The following KLRD1 variants were observed in gnomAD, a reference collection of about 807,000 sequenced individuals.
The protein encoded by KLRD1 is natural killer cells antigen CD94.
In KLRD1, 21 loss-of-function variants were observed where a neutral mutation model predicts 22.6. That is an observed-to-expected ratio of 0.93 (90% CI 0.66 to 1.34). KLRD1 has a LOEUF of 1.34. Ranked by LOEUF, KLRD1 falls within the 40% of genes most tolerant of loss-of-function variation. The pLI, the probability that KLRD1 is intolerant of heterozygous loss-of-function variation, is 0.00. For synonymous variants in KLRD1, 59 were observed against 71.1 expected, an observed-to-expected ratio of 0.83 and a Z score of 0.85; for missense variants, 183 against 208.6, an observed-to-expected ratio of 0.88 and a Z score of 0.76.
At chr12:10,243,441 C>A (rs1265261662) in intron 1 of KLRD1, among the ~76,000 whole-genome samples, 1 of 151,388 alleles carries the variant, frequency 6.6e-6, no homozygotes, top group Non-Finnish European at 1.5e-5. Flanking sequence ...TGGCAAAACC[C>A]CATCTCTACT....
intron 4 of KLRD1, 124 bp downstream of exon 4, chr12:10,311,739 G>C (rs1369098367): frequency 2.0e-5 from 16 of 807,874 alleles, no homozygotes; most frequent in Non-Finnish European, 2.9e-5. Context: ...TTGGAATTGA[G>C]TTATCTGTTC....
chr12:10,272,323 T>A (rs1418037448), intron 1 of KLRD1, among the ~76,000 whole-genome samples: 1 of 152,182 alleles, frequency 6.6e-6, no homozygotes, highest in African/African-American at 2.4e-5. Context: ...CTAAATAATA[T>A]TAAACCTAGT....
chr12:10,292,614 A>G (rs984937592), intron 1 of KLRD1, among the ~76,000 whole-genome samples: 7 of 152,218 alleles, frequency 4.6e-5, no homozygotes, highest in Non-Finnish European at 7.3e-5. Context: ...GTAAACAGAC[A>G]TGCTGCCATC....
At chr12:10,287,206 G>T (rs572938206) in intron 1 of KLRD1, among the ~76,000 whole-genome samples, 3 of 151,980 alleles carry the variant, frequency 2.0e-5, no homozygotes, top group African/African-American at 7.3e-5. Context: ...TAAAAACCGT[G>T]GTGAAACTGT....
intron 1 of KLRD1, among the ~76,000 whole-genome samples, chr12:10,262,242 A>C (rs533985847): frequency 3.9e-5 from 6 of 152,164 alleles, no homozygotes; most frequent in African/African-American, 1.4e-4. Context: ...TCTTGATGGG[A>C]CTGGAGCTCA....
chr12:10,276,880 G>A (rs1052683367), intron 1 of KLRD1, among the ~76,000 whole-genome samples: 24 of 152,090 alleles, frequency 1.6e-4, no homozygotes, highest in Non-Finnish European at 3.1e-4. Flanking sequence ...TGCATACTTA[G>A]TGACAAGAGA....
In KLRD1 at chr12:10,252,416, A is replaced by G. The variant is rs1044698544; in HGVS notation, c.-101+26183A>G. On this transcript the variant is annotated intron_variant, in intron 1 of 5. Transcript: ENST00000544747. The stretch of plus-strand genomic sequence containing the variant: ...CTGCTTGGGAAGCTGAGGTGGAAGA[A>G]TCACTCAAGCCTTGGAGGTTGAGGC... 9.6e-4 allele frequency among the ~76,000 whole-genome samples: 146 copies of G among 152,232 alleles called. 2 individuals carry two copies. The highest frequency in any genetic ancestry group is 3.3e-3 in the African/African-American group (135 of 41,512).
intron 1 of KLRD1, among the ~76,000 whole-genome samples, chr12:10,263,922 C>T (rs531340395): frequency 2.6e-5 from 4 of 151,948 alleles, no homozygotes; most frequent in African/African-American, 9.7e-5. Context: ...TGGGTTATTC[C>T]GTATTTTAAA....
chr12:10,280,717 CTG>C (rs71434126), intron 1 of KLRD1, among the ~76,000 whole-genome samples: 10,238 of 152,086 alleles, frequency 0.067, 397 homozygotes, highest in East Asian at 0.17. Flanking sequence ...GTGAGGAAGA[CTG>C]TGTGATACAG....
intron 1 of KLRD1, among the ~76,000 whole-genome samples, chr12:10,272,037 G>A (rs1240414974): frequency 6.6e-6 from 1 of 152,076 alleles, no homozygotes; most frequent in Non-Finnish European, 1.5e-5. Context: ...CGGTGGTGTA[G>A]AATAGTAATT....
Position 10,315,338 on chromosome 12 carries a change from C to T in KLRD1, c.*545C>T, listed in dbSNP as rs182143568. 6 of 427,098 alleles carry T rather than the reference C, an allele frequency of 1.4e-5. No homozygotes were observed. The highest frequency in any genetic ancestry group is 4.2e-5 in the African/African-American group (2 of 47,774). 26.5% of individuals were successfully genotyped at this position (427,098 alleles called of 1,614,324 possible). A position where few individuals can be genotyped will look rare whatever the true frequency, so the allele number is the denominator to read the frequency against. ...ACAAGGTCTTGCTATGTTGCCCAGG[C>T]TGGTCTTGAACTCCTGGCCTCAAGG... is the stretch of plus-strand genomic sequence containing the variant. On this transcript the variant is annotated 3_prime_UTR_variant, in exon 6 of 6. Coordinates refer to ENST00000336164, the MANE Select transcript of KLRD1 (RefSeq NM_002262.5).
rs1361303095 is a variant in KLRD1, at chr12:10,327,608, G to A, written c.*12815G>A. ...CTTTTTTGTGGATTCTTTAGAGCAT[G>A]CCATAGGCAAACAGGGACCATTGTA... On this transcript the variant is annotated 3_prime_UTR_variant, in exon 6 of 6. Transcript: ENST00000336164. 2.6e-5 allele frequency: 4 copies of A among 152,170 alleles called. No homozygotes were observed. Among genetic ancestry groups the A allele is most frequent in the Non-Finnish European group, 5.9e-5 (4 of 68,010 alleles). The allele number at this position is 152,170 out of a possible 1,614,324, so 9.4% of individuals were successfully genotyped here. A position where few individuals can be genotyped will look rare whatever the true frequency, so the allele number is the denominator to read the frequency against.
Position 10,314,921 on chromosome 12 carries a change from T to C in KLRD1, c.*128T>C, listed in dbSNP as rs376020820. The C allele has an allele frequency of 1.2e-6, 1 of 833,668 alleles. No individual in the cohort carries two copies. The highest frequency in any genetic ancestry group is 2.9e-5 in the Admixed American group (1 of 34,336). 51.6% of individuals were successfully genotyped at this position (833,668 alleles called of 1,614,324 possible). A position where few individuals can be genotyped will look rare whatever the true frequency, so the allele number is the denominator to read the frequency against. On this transcript the variant is annotated 3_prime_UTR_variant, in exon 6 of 6. Transcript: ENST00000336164. ...TAAAATGTTTTTAAACAGTGTCATA[T>C]ACAATTGTCATGTATGTGAAACAAT... is the stretch of plus-strand genomic sequence containing the variant.
intron 1 of KLRD1, among the ~76,000 whole-genome samples, chr12:10,284,217 C>A (rs758394961): frequency 6.6e-6 from 1 of 151,560 alleles, no homozygotes; most frequent in Non-Finnish European, 1.5e-5. Flanking sequence ...ACAACAACAA[C>A]AACAAAAGAC....
intron 1 of KLRD1, among the ~76,000 whole-genome samples, chr12:10,253,305 A>G (rs1949362142): frequency 6.6e-6 from 1 of 152,180 alleles, no homozygotes; most frequent in Non-Finnish European, 1.5e-5. Flanking sequence ...CCCGCAGGTC[A>G]CTGATACTCC....
chr12:10,293,916 A>G (rs1236618015), intron 1 of KLRD1, among the ~76,000 whole-genome samples: 1 of 152,050 alleles, frequency 6.6e-6, no homozygotes, highest in Non-Finnish European at 1.5e-5. Context: ...ATAAAAACTG[A>G]AAAAAAATCT....
At chr12:10,307,156 G>C (rs1362757630), upstream of KLRD1, among the ~76,000 whole-genome samples, 2 of 152,048 alleles carry the variant, frequency 1.3e-5, no homozygotes, top group Non-Finnish European at 2.9e-5. Flanking sequence ...ATGAAAAAGT[G>C]TATATCGAAG....
At chr12:10,241,970 G>A (rs1029415723) in intron 1 of KLRD1, among the ~76,000 whole-genome samples, 2 of 151,380 alleles carry the variant, frequency 1.3e-5, no homozygotes, top group African/African-American at 2.4e-5. Flanking sequence ...CACAATCTGA[G>A]TTGCTGTATT....
At chr12:10,266,949 A>G (rs1434920002) in intron 1 of KLRD1, among the ~76,000 whole-genome samples, 1 of 123,748 alleles carries the variant, frequency 8.1e-6, no homozygotes, top group African/African-American at 3.0e-5. Context: ...TTTTCTTATT[A>G]TACTTTAAGT....
Sources: gnomAD v4.1 joint callset for allele counts (sites outside exome capture counted in the v4.1 genomes callset) on GRCh38, gnomAD v4.1.1 for gene constraint, MANE v1.5 for transcripts, NCBI Gene and HGNC (gene_info 2026-07-23, HGNC 2026-07-21) for gene names.